The following CLIP2 variants were observed in gnomAD, a reference collection of about 807,000 sequenced individuals.
CLIP2 encodes CAP-Gly domain-containing linker protein 2.
A neutral mutation model predicts 111.7 loss-of-function variants in CLIP2; 41 were observed. The ratio of observed to expected loss-of-function variants is 0.37; its 90% CI spans 0.29 to 0.48. The LOEUF (loss-of-function observed/expected upper bound fraction) is 0.48, where lower values mean the gene tolerates loss of function less well. CLIP2 is among the 20% of genes least tolerant of loss of function. CLIP2 has a pLI of 0.99. For missense variants in CLIP2, 1,160 were observed against 1,422.1 expected, an observed-to-expected ratio of 0.82 and a Z score of 2.96; for synonymous variants, 660 against 644.2, an observed-to-expected ratio of 1.02 and a Z score of -0.37.
chr7:74,353,810 C>A (rs1562705571), intron 3 of CLIP2, 70 bp from the exon 4 acceptor site: 8 of 1,607,938 alleles, frequency 5.0e-6, no homozygotes, highest in Non-Finnish European at 6.8e-6. Context: ...TAAGCCTGGG[C>A]TGGGTGCCCC....
At chr7:74,354,093 G>A (rs1367057592) in intron 4 of CLIP2, 89 bp downstream of exon 4, 12 of 1,447,488 alleles carry the variant, frequency 8.3e-6, no homozygotes, top group African/African-American at 1.4e-5. Flanking sequence ...TGGAGGAAGC[G>A]AGTGTCCAGC....
At chr7:74,388,490 T>A (rs1554315232) in intron 12 of CLIP2, among the ~76,000 whole-genome samples, 1 of 145,036 alleles carries the variant, frequency 6.9e-6, no homozygotes, top group Non-Finnish European at 1.5e-5. Context: ...ATAGCAAGAC[T>A]CCGTCTCAAA....
intron 13 of CLIP2, among the ~76,000 whole-genome samples, chr7:74,395,784 A>G (rs1554316568): frequency 6.6e-6 from 1 of 152,182 alleles, no homozygotes; most frequent in Non-Finnish European, 1.5e-5. Flanking sequence ...CACATCCATC[A>G]AACAGCAGAT....
intron 3 of CLIP2, among the ~76,000 whole-genome samples, chr7:74,341,263 C>T (rs1433958560): frequency 6.6e-6 from 1 of 152,164 alleles, no homozygotes; most frequent in Non-Finnish European, 1.5e-5. Context: ...TCTCGGCTCA[C>T]TGCAACCTCC....
chr7:74,336,874 T>TTG (rs1166240833), intron 2 of CLIP2, among the ~76,000 whole-genome samples: 12 of 49,450 alleles, frequency 2.4e-4, no homozygotes, highest in African/African-American at 5.5e-4. Flanking sequence ...TTTTTTTTTT[T>TTG]GTTTTTTTTT....
chr7:74,371,131 T>C (rs1404993164), intron 8 of CLIP2, among the ~76,000 whole-genome samples: 1 of 151,218 alleles, frequency 6.6e-6, no homozygotes, highest in Non-Finnish European at 1.5e-5. Context: ...GTAATCCCAG[T>C]TACTCGGGAG....
At position 74,376,711 on chromosome 7, in the gene CLIP2, G is replaced by A. The variant is rs1554312997; in HGVS notation, c.2310G>A (p.Gln770=). The A allele has an allele frequency of 6.2e-7, 1 of 1,613,170 alleles. No homozygotes were observed. Among genetic ancestry groups the A allele is most frequent in the Admixed American group, 1.7e-5 (1 of 59,880 alleles). Reference sequence around the variant, plus strand: ...AGATGTTGGACTACGAGCGGCTGCAGCGGGCAGAAGCCCAGGGCAAACAGG... The same window carrying A: ...AGATGTTGGACTACGAGCGGCTGCAACGGGCAGAAGCCCAGGGCAAACAGG... ...EKKMLDYERL[Q]RAEAQGKQEV... The change falls in exon 10 of 17, where the codon CAG becomes CAA. Residue 770 remains glutamine (Q), a synonymous_variant. Coordinates refer to ENST00000223398, the MANE Select transcript of CLIP2 (RefSeq NM_003388.5). The surrounding 1 kb of genome is among the most constrained non-coding windows in gnomAD (Gnocchi z 7.1).
intron 3 of CLIP2, among the ~76,000 whole-genome samples, chr7:74,342,450 TC>T: frequency 6.6e-6 from 1 of 151,702 alleles, no homozygotes; most frequent in Non-Finnish European, 1.5e-5. Context: ...CAGGGAAAGA[TC>T]ACATCCCAGA....
intron 1 of CLIP2, among the ~76,000 whole-genome samples, chr7:74,296,789 A>AAG (rs1788180895): frequency 3.6e-5 from 1 of 27,986 alleles, no homozygotes; most frequent in Admixed American, 3.6e-4. Context: ...ATTTTGTCTC[A>AAG]AAAAAAAAAA....
chr7:74,295,903 C>T (rs1788153017), intron 1 of CLIP2, among the ~76,000 whole-genome samples: 1 of 145,048 alleles, frequency 6.9e-6, no homozygotes, highest in Admixed American at 7.3e-5. Context: ...GCAGGAGGAT[C>T]TCTTGAACCC....
At position 74,376,312 on chromosome 7, in the gene CLIP2, G is replaced by A. The variant is rs782158293; in HGVS notation, c.1911G>A (p.Ser637=). ...SLEDLKATLN[S]GPGAQQKEIG... is the part of the protein sequence containing the mutation. Reference sequence around the variant, plus strand: ...AGGACCTCAAAGCCACCCTGAACTCGGGCCCAGGCGCCCAGCAGAAGGAGA... The same window carrying A: ...AGGACCTCAAAGCCACCCTGAACTCAGGCCCAGGCGCCCAGCAGAAGGAGA... The change falls in exon 10 of 17, where the codon TCG becomes TCA. Residue 637 remains serine (S), a synonymous_variant. Transcript: ENST00000223398. The surrounding 1 kb of genome is among the most constrained non-coding windows in gnomAD (Gnocchi z 7.1). The A allele has an allele frequency of 7.4e-6, 12 of 1,613,774 alleles. No homozygotes were observed. In the East Asian group the frequency reaches 8.9e-5, roughly 12 times the overall value.
chr7:74,403,978 CT>C lies in CLIP2; in HGVS notation c.*131del. The C allele has an allele frequency of 9.8e-7, 1 of 1,015,724 alleles. No individual in the cohort carries two copies. 62.9% of individuals were successfully genotyped at this position (1,015,724 alleles called of 1,614,324 possible). On this transcript the variant is annotated 3_prime_UTR_variant, in exon 17 of 17. Coordinates refer to ENST00000223398, the MANE Select transcript of CLIP2 (RefSeq NM_003388.5). ...AAACAGTGTTTGTAACAATAACGTA[CT>C]CACCGCCGCGGACAATCCCCCACCC...
In CLIP2 at chr7:74,338,884, C is replaced by T. The variant is rs1239975587; in HGVS notation, c.558C>T (p.Pro186=). ...CCCCGCTGACCAGCCGCGTCATCCC[C>T]CTGCGGGAGAGCGTCCTCAACAGCT... ...ATPPLTSRVI[P]LRESVLNSSV... Residue 186 remains proline (P), a synonymous_variant, in exon 3 of 17, where the codon CCC becomes CCT. Transcript: ENST00000223398. The surrounding 1 kb of genome is among the most constrained non-coding windows in gnomAD (Gnocchi z 4.3). 1.9e-6 allele frequency: 3 copies of T among 1,606,504 alleles called. No individual in the cohort carries two copies. Among genetic ancestry groups the T allele is most frequent in the South Asian group, 2.2e-5 (2 of 91,088 alleles).
At chr7:74,357,188 G>A in intron 5 of CLIP2, 92 bp from the exon 6 acceptor site, 1 of 1,158,748 alleles carries the variant, frequency 8.6e-7, no homozygotes, top group Non-Finnish European at 1.3e-6. Flanking sequence ...GCTCCCACCT[G>A]CTATGTTGCT....
At chr7:74,367,868 G>C (rs1790502666) in intron 8 of CLIP2, among the ~76,000 whole-genome samples, 2 of 152,104 alleles carry the variant, frequency 1.3e-5, no homozygotes, top group South Asian at 4.1e-4. Context: ...CTTGAGCCCA[G>C]GAGTTTGAGA....
intron 16 of CLIP2, among the ~76,000 whole-genome samples, chr7:74,402,255 G>A (rs375859601): frequency 1.2e-3 from 181 of 151,496 alleles, no homozygotes; most frequent in African/African-American, 4.1e-3. Context: ...GCATGAACCC[G>A]GAAGGCGGAG....
intron 3 of CLIP2, among the ~76,000 whole-genome samples, chr7:74,339,472 A>G (rs1353026131): frequency 2.6e-5 from 4 of 151,836 alleles, no homozygotes; most frequent in Admixed American, 2.6e-4. Flanking sequence ...CGCCCGGCTA[A>G]TTTTTGTATT....
chr7:74,309,498 A>G (rs1788585791), intron 1 of CLIP2, among the ~76,000 whole-genome samples: 1 of 152,128 alleles, frequency 6.6e-6, no homozygotes, highest in Non-Finnish European at 1.5e-5. Flanking sequence ...TTGAAATTTC[A>G]TATGAACGGA....
chr7:74,333,699 T>C (rs1264852592), intron 2 of CLIP2, among the ~76,000 whole-genome samples: 1 of 151,788 alleles, frequency 6.6e-6, no homozygotes, highest in Non-Finnish European at 1.5e-5. Context: ...CCCAGGCTGG[T>C]CTCAAACTCC....
Sources: gnomAD v4.1 joint callset for allele counts (sites outside exome capture counted in the v4.1 genomes callset) on GRCh38, gnomAD v4.1.1 for gene constraint, Gnocchi (gnomAD v3.1) non-coding constraint, MANE v1.5 for transcripts, NCBI Gene and HGNC (gene_info 2026-07-23, HGNC 2026-07-21) for gene names.